POT1: variants seen among roughly 807,000 people sequenced by gnomAD.
POT1 encodes the protein protection of telomeres protein 1.
In POT1, 47 loss-of-function variants were observed where a neutral mutation model predicts 78.5. That is an observed-to-expected ratio of 0.60 (90% CI 0.47 to 0.76). POT1 has a LOEUF of 0.76. Among genes scored for constraint, POT1 ranks in the 30% least tolerant of loss-of-function variants. POT1 has a pLI of 0.00. For synonymous variants in POT1, 259 were observed against 260.7 expected (o/e 0.99, Z 0.06); for missense variants, 646 against 749.9 (o/e 0.86, Z 1.62).
At chr7:124,890,820 A>T (rs573108671) in intron 6 of POT1, among the ~76,000 whole-genome samples, 1 of 152,000 alleles carries the variant, frequency 6.6e-6, no homozygotes, top group South Asian at 2.1e-4. Flanking sequence ...ATATCCACAC[A>T]TCTAAATTTT....
rs1193554573 is a variant in POT1, at chr7:124,823,042, A to G, written c.*920T>C. ...TAAGGCACAGACTCTAGCTTTTACA[A>G]ACTGTGTGAACTTAGTCAAGTCAGC... is the stretch of plus-strand genomic sequence containing the variant. On this transcript the variant is annotated 3_prime_UTR_variant, in exon 19 of 19. Transcript: ENST00000357628. 2 of 154,034 alleles carry G rather than the reference A, an allele frequency of 1.3e-5. No homozygotes were observed. Among genetic ancestry groups the G allele is most frequent in the African/African-American group, 4.8e-5 (2 of 41,452 alleles). The allele number at this position is 154,034 out of a possible 1,614,324, so 9.5% of individuals were successfully genotyped here.
intron 2 of POT1, among the ~76,000 whole-genome samples, chr7:124,925,365 C>T (rs1797248795): frequency 1.3e-5 from 2 of 151,696 alleles, no homozygotes; most frequent in South Asian, 4.2e-4. Flanking sequence ...ACAACAGCTA[C>T]AAAAATAAAA....
chr7:124,858,842 A>G, intron 9 of POT1, 115 bp downstream of exon 9: 1 of 568,588 alleles, frequency 1.8e-6, no homozygotes, highest in Non-Finnish European at 2.7e-6. Context: ...AGAAATAAAT[A>G]TAATTTCTAG....
intron 15 of POT1, among the ~76,000 whole-genome samples, chr7:124,833,161 A>C (rs1794810861): frequency 6.6e-6 from 1 of 152,154 alleles, no homozygotes. Context: ...GAGAGGGAGA[A>C]TTAGACACTG....
At position 124,841,073 on chromosome 7, in the gene POT1, G is replaced by A. The variant is rs777159830; in HGVS notation, c.1269C>T (p.Ile423=). 1.2e-6 allele frequency: 2 copies of A among 1,612,464 alleles called. No individual in the cohort carries two copies. Among genetic ancestry groups the A allele is most frequent in the Non-Finnish European group, 1.7e-6 (2 of 1,178,974 alleles). The change falls in exon 14 of 19, where the codon ATC becomes ATT. Residue 423 remains isoleucine (I), a synonymous_variant. Coordinates refer to ENST00000357628, the MANE Select transcript of POT1 (RefSeq NM_015450.3). ...GTCCTTTTTGATTTTTAGTGGTCCA[G>A]ATTTTTGAATCATATAATGATGTAT... The part of the protein sequence containing the change: ...LQNTSLYDSK[I]WTTKNQKGRK...
At chr7:124,925,306 C>T (rs1201767610) in intron 2 of POT1, among the ~76,000 whole-genome samples, 1 of 151,918 alleles carries the variant, frequency 6.6e-6, no homozygotes, top group African/African-American at 2.4e-5. Flanking sequence ...TGTTTCTATA[C>T]ATCAATAAAA....
chr7:124,826,882 A>G (rs1349517807), intron 17 of POT1, among the ~76,000 whole-genome samples: 2 of 151,702 alleles, frequency 1.3e-5, no homozygotes, highest in Non-Finnish European at 2.9e-5. Flanking sequence ...AAACAAACAA[A>G]CAAACAAACA....
chr7:124,828,151 T>C (rs1794676188), intron 16 of POT1, among the ~76,000 whole-genome samples: 1 of 152,178 alleles, frequency 6.6e-6, no homozygotes, highest in African/African-American at 2.4e-5. Flanking sequence ...AAAATTAAAA[T>C]ACAGAATATT....
chr7:124,843,211 T>A (rs148313859), intron 12 of POT1: 6 of 295,686 alleles, frequency 2.0e-5, no homozygotes, highest in Admixed American at 5.0e-5. Flanking sequence ...AAGAAATAAG[T>A]AACTTAACTG....
chr7:124,844,861 A>G (rs1453456534), intron 12 of POT1, among the ~76,000 whole-genome samples: 1 of 152,184 alleles, frequency 6.6e-6, no homozygotes, highest in Non-Finnish European at 1.5e-5. Flanking sequence ...TTCATTTTAA[A>G]ATGCTTTCAA....
At chr7:124,905,857 CATT>C (rs2116670886) in intron 3 of POT1, among the ~76,000 whole-genome samples, 1 of 152,300 alleles carries the variant, frequency 6.6e-6, no homozygotes, top group African/African-American at 2.4e-5. Context: ...CAAAAGAAGA[CATT>C]TATGCAGCCA....
chr7:124,832,135 T>A (rs899598580), intron 15 of POT1, among the ~76,000 whole-genome samples: 1 of 151,038 alleles, frequency 6.6e-6, no homozygotes, highest in African/African-American at 2.4e-5. Context: ...GGTGTGCACC[T>A]GTAGTCCCAG....
chr7:124,853,706 A>G (rs558949649), intron 9 of POT1, among the ~76,000 whole-genome samples: 1 of 131,636 alleles, frequency 7.6e-6, no homozygotes, highest in South Asian at 2.7e-4. Flanking sequence ...ACAGTGTGAA[A>G]CACTCCTTGA....
chr7:124,914,391 T>C (rs968545913), intron 3 of POT1, among the ~76,000 whole-genome samples: 6 of 152,164 alleles, frequency 3.9e-5, no homozygotes, highest in Admixed American at 3.3e-4. Flanking sequence ...ATAATTCTGA[T>C]GGGGACTGTC....
intron 7 of POT1, among the ~76,000 whole-genome samples, chr7:124,865,241 T>C (rs947220577): frequency 4.6e-5 from 7 of 152,248 alleles, no homozygotes; most frequent in African/African-American, 1.7e-4. Context: ...ATTTTTCTCT[T>C]TCTCAATGGT....
Position 124,852,914 on chromosome 7 carries a change from T to C in POT1, c.869+58A>G, listed in dbSNP as rs571945755. 137 of 1,472,540 alleles carry C rather than the reference T, an allele frequency of 9.3e-5. No individual in the cohort carries two copies. The South Asian group carries it at 1.7e-3, about 18-fold the overall frequency. The allele number at this position is 1,472,540 out of a possible 1,614,324, so 91.2% of individuals were successfully genotyped here. ...ATCAGAAGCCCCAGGAACAATATTA[T>C]CTTAGAAATCGGCTTAATCGATACC... On this transcript the variant is annotated intron_variant, in intron 10 of 18. Coordinates refer to ENST00000357628, the MANE Select transcript of POT1 (RefSeq NM_015450.3).
At chr7:124,898,118 A>AT (rs1282705704) in intron 4 of POT1, 143 bp downstream of exon 4, 2 of 151,972 alleles carry the variant, frequency 1.3e-5, no homozygotes, top group Non-Finnish European at 2.9e-5. Context: ...AAAAACTTCT[A>AT]TTTTTTAAAC....
chr7:124,888,589 T>C (rs991554954), intron 6 of POT1, among the ~76,000 whole-genome samples: 2 of 152,094 alleles, frequency 1.3e-5, no homozygotes, highest in African/African-American at 4.8e-5. Context: ...CATGTAATTG[T>C]ACTTTACTTT....
intron 6 of POT1, among the ~76,000 whole-genome samples, chr7:124,882,341 A>C (rs1796138999): frequency 6.6e-6 from 1 of 151,996 alleles, no homozygotes; most frequent in Non-Finnish European, 1.5e-5. Flanking sequence ...CAAATCACTG[A>C]ATCAAGCTAC....
Sources: allele counts gnomAD v4.1 joint callset (sites outside exome capture counted in the v4.1 genomes callset), GRCh38; gene constraint gnomAD v4.1.1; transcripts MANE v1.5; gene names NCBI Gene and HGNC (gene_info 2026-07-23, HGNC 2026-07-21).